TCTN1: variants seen among roughly 807,000 people sequenced by gnomAD.
TCTN1 encodes tectonic-1.
Under a neutral mutation model 65.8 loss-of-function variants are expected in TCTN1, and 58 were observed. The ratio of observed to expected loss-of-function variants is 0.88; its 90% CI spans 0.71 to 1.10. The LOEUF (loss-of-function observed/expected upper bound fraction) is 1.10, where lower values mean the gene tolerates loss of function less well. Ranked by LOEUF, TCTN1 falls within the 50% of genes least tolerant of loss-of-function variation. The probability of loss-of-function intolerance (pLI) is 0.00; values close to 1 mark genes in which losing one functional copy is unlikely to be tolerated. For synonymous variants in TCTN1, 273 were observed against 289.1 expected, an observed-to-expected ratio of 0.94 and a Z score of 0.57; for missense variants, 645 against 719.4, an observed-to-expected ratio of 0.90 and a Z score of 1.18.
Position 110,649,298 on chromosome 12 carries a change from G to C in TCTN1, c.*257G>C, listed in dbSNP as rs2067667018. ...AATCCATGCTGGCAGGAGGGAGGCA[G>C]AGGTATCAAACCAAACCTCTCACCA... On this transcript the variant is annotated 3_prime_UTR_variant, in exon 15 of 15. Transcript: ENST00000397659. 2 of 799,036 alleles carry C rather than the reference G, an allele frequency of 2.5e-6. No individual in the cohort carries two copies. Among genetic ancestry groups the C allele is most frequent in the Non-Finnish European group, 4.3e-6 (2 of 463,250 alleles). The allele number at this position is 799,036 out of a possible 1,614,324, so 49.5% of individuals were successfully genotyped here.
intron 11 of TCTN1, chr12:110,643,981 A>G (rs1444003139): frequency 6.6e-6 from 1 of 152,118 alleles, no homozygotes; most frequent in Non-Finnish European, 1.5e-5. Flanking sequence ...CACCATTTAC[A>G]TTATTAGTTC....
chr12:110,639,147 G>A lies in TCTN1; in HGVS notation c.844-1236G>A, dbSNP rs747046525. 7.2e-5 allele frequency among the ~76,000 whole-genome samples: 11 copies of A among 152,248 alleles called. No individual in the cohort carries two copies. The highest frequency in any genetic ancestry group is 1.5e-4 in the Non-Finnish European group (10 of 68,044). ...TATAAACAGCATGGTGCATGATTGA[G>A]TGCAAGTTCAAAGTGGTATAAACAA... On this transcript the variant is annotated intron_variant, in intron 7 of 14. Transcript: ENST00000397659. The surrounding 1 kb of genome is among the most constrained non-coding windows in gnomAD (Gnocchi z 4.9).
chr12:110,628,726 AT>A lies in TCTN1; in HGVS notation c.473-37del, dbSNP rs1216307690. On this transcript the variant is annotated intron_variant, in intron 3 of 14. Coordinates refer to ENST00000397659, the MANE Select transcript of TCTN1 (RefSeq NM_001082538.3). ...TATAGGTCATACATATTATACATAT[AT>A]TTTATACCGATTTAAAATACTGTTT... 3 of 1,512,018 alleles carry A rather than the reference AT, an allele frequency of 2.0e-6. No individual in the cohort carries two copies. In the Admixed American group the frequency reaches 5.2e-5, roughly 26 times the overall value. The allele number at this position is 1,512,018 out of a possible 1,614,324, so 93.7% of individuals were successfully genotyped here. A position where few individuals can be genotyped will look rare whatever the true frequency, so the allele number is the denominator to read the frequency against.
At position 110,645,753 on chromosome 12, in the gene TCTN1, G is replaced by A. The variant is rs112335466; in HGVS notation, c.1494+624G>A. 863 of 157,556 alleles carry A rather than the reference G, an allele frequency of 5.5e-3. 8 individuals are homozygous for A. Among genetic ancestry groups the A allele is most frequent in the African/African-American group, 0.019 (808 of 41,592 alleles). The allele number at this position is 157,556 out of a possible 1,614,324, so 9.8% of individuals were successfully genotyped here. ...TTTTTCTTTTGTCTTAGCAGTCAGC[G>A]TGTGGGCCGGCCCTGGCCCAGGGGC... On this transcript the variant is annotated intron_variant, in intron 12 of 14. Coordinates refer to ENST00000397659, the MANE Select transcript of TCTN1 (RefSeq NM_001082538.3).
intron 2 of TCTN1, among the ~76,000 whole-genome samples, chr12:110,625,284 C>T (rs1251120703): frequency 6.6e-6 from 1 of 152,090 alleles, no homozygotes; most frequent in African/African-American, 2.4e-5. Context: ...GTTTTAAATG[C>T]CAAGCTTTTT....
intron 13 of TCTN1, 127 bp from the exon 14 acceptor site, chr12:110,647,622 T>A: frequency 7.0e-7 from 1 of 1,421,604 alleles, no homozygotes; most frequent in South Asian, 1.2e-5. Flanking sequence ...GGCCAATTAG[T>A]GCTCCAGGAC....
rs1351514655 is a variant in TCTN1 at position 110,644,825 on chromosome 12, C to T, written c.1332-142C>T. On this transcript the variant is annotated intron_variant, in intron 11 of 14. Transcript: ENST00000397659. This position sits in a 1 kb window ranked among gnomAD's most constrained non-coding sequence, Gnocchi z 4.6. ...AGGCTGCAGGGAGCTATGATGGTGCCACTGCACTCCAGCTTGGGCATCAGA... is the reference window on the plus strand; with the variant it reads ...AGGCTGCAGGGAGCTATGATGGTGCTACTGCACTCCAGCTTGGGCATCAGA... 5 of 1,052,044 alleles carry T rather than the reference C, an allele frequency of 4.8e-6. No individual in the cohort carries two copies. The highest frequency in any genetic ancestry group is 1.3e-5 in the South Asian group (1 of 76,268). 65.2% of individuals were successfully genotyped at this position (1,052,044 alleles called of 1,614,324 possible). A position where few individuals can be genotyped will look rare whatever the true frequency, so the allele number is the denominator to read the frequency against.
chr12:110,632,411 A>T, intron 4 of TCTN1, 61 bp from the exon 5 acceptor site: 12 of 1,569,636 alleles, frequency 7.6e-6, no homozygotes, highest in Non-Finnish European at 1.1e-5. Context: ...GTGGGTGCCC[A>T]GTAAGTGTTG....
intron 7 of TCTN1, among the ~76,000 whole-genome samples, chr12:110,637,203 C>T (rs1189318688): frequency 6.6e-6 from 1 of 152,222 alleles, no homozygotes; most frequent in Non-Finnish European, 1.5e-5. Flanking sequence ...TCTTGTCGGA[C>T]TGACACCGTG....
At chr12:110,615,959 A>G (rs2065006198) in intron 1 of TCTN1, among the ~76,000 whole-genome samples, 1 of 152,202 alleles carries the variant, frequency 6.6e-6, no homozygotes, top group South Asian at 2.1e-4. Context: ...GTACAGAGAA[A>G]TATATTTGCT....
chr12:110,641,532 T>A lies in TCTN1; in HGVS notation c.1105-10T>A. 1 of 1,613,152 alleles carries A rather than the reference T, an allele frequency of 6.2e-7. No homozygotes were observed. The highest frequency in any genetic ancestry group is 1.3e-5 in the African/African-American group (1 of 75,034). On this transcript the variant is annotated splice_polypyrimidine_tract_variant and intron_variant, in intron 9 of 14. Coordinates refer to ENST00000397659, the MANE Select transcript of TCTN1 (RefSeq NM_001082538.3). ...GAATTATTTGGGGGCATTTCTGCATTGTCTTTCAGGAAAATACCCAGCCAG... is the reference window on the plus strand; with the variant it reads ...GAATTATTTGGGGGCATTTCTGCATAGTCTTTCAGGAAAATACCCAGCCAG...
intron 3 of TCTN1, chr12:110,628,222 C>T (rs1353154986): frequency 1.3e-6 from 2 of 1,535,596 alleles, no homozygotes; most frequent in Non-Finnish European, 1.7e-6. Context: ...GTGCTGTTTA[C>T]TTGTAAGTGC....
In TCTN1 at chr12:110,647,303, A is replaced by T; in HGVS notation, c.1602A>T (p.Val534=). 1 of 1,614,234 alleles carries T rather than the reference A, an allele frequency of 6.2e-7. No homozygotes were observed. Among genetic ancestry groups the T allele is most frequent in the South Asian group, 1.1e-5 (1 of 91,088 alleles). Residue 534 remains valine (V), a synonymous_variant, in exon 13 of 15, where the codon GTA becomes GTT. Transcript: ENST00000397659. ...ATCCACAGGCCAAAATAGTCAATGT[A>T]ACTGCAAATCTAATTTCATCCTCCT... The part of the protein sequence containing the change: ...LLNPQAKIVN[V]TANLISSSFP...
chr12:110,617,108 A>T (rs1032500315), intron 1 of TCTN1, among the ~76,000 whole-genome samples: 7 of 152,202 alleles, frequency 4.6e-5, no homozygotes, highest in African/African-American at 1.7e-4. Context: ...ACAAAGCAAG[A>T]TAGTAATTTT....
At position 110,629,059 on chromosome 12, in the gene TCTN1, C is replaced by A. The variant is rs750961821; in HGVS notation, c.624+141C>A. ...CTAAAAAACTTAATGTTCATGCCTA[C>A]AAATCAAAGATCATGAAAATTAAAA... On this transcript the variant is annotated intron_variant, in intron 4 of 14. Coordinates refer to ENST00000397659, the MANE Select transcript of TCTN1 (RefSeq NM_001082538.3). 5 of 887,378 alleles carry A rather than the reference C, an allele frequency of 5.6e-6. No individual in the cohort carries two copies. In the Admixed American group the frequency reaches 7.2e-5, roughly 13 times the overall value. 55.0% of individuals were successfully genotyped at this position (887,378 alleles called of 1,614,324 possible).
intron 2 of TCTN1, among the ~76,000 whole-genome samples, chr12:110,622,519 C>T (rs1374568992): frequency 6.6e-6 from 1 of 152,112 alleles, no homozygotes; most frequent in African/African-American, 2.4e-5. Flanking sequence ...AGGAATGCTC[C>T]CCAGAAAACA....
intron 12 of TCTN1, chr12:110,646,675 A>G (rs570671051): frequency 1.0e-5 from 2 of 196,926 alleles, no homozygotes; most frequent in African/African-American, 2.4e-5. Flanking sequence ...CTTTGACAAC[A>G]TACGGACACT....
intron 7 of TCTN1, among the ~76,000 whole-genome samples, chr12:110,637,153 C>G (rs1181664260): frequency 6.6e-6 from 1 of 152,232 alleles, no homozygotes; most frequent in Non-Finnish European, 1.5e-5. Context: ...CCCTGTGGAA[C>G]TGGCCAGCCT....
At position 110,644,871 on chromosome 12, in the gene TCTN1, TA is replaced by T. The variant is rs1341539250; in HGVS notation, c.1332-93del. The T allele has an allele frequency of 1.9e-6, 3 of 1,538,674 alleles. No homozygotes were observed. Among genetic ancestry groups the T allele is most frequent in the Admixed American group, 3.4e-5 (2 of 59,656 alleles). On this transcript the variant is annotated intron_variant, in intron 11 of 14. Coordinates refer to ENST00000397659, the MANE Select transcript of TCTN1 (RefSeq NM_001082538.3). The surrounding 1 kb of genome is among the most constrained non-coding windows in gnomAD (Gnocchi z 4.6). Reference sequence around the variant, plus strand: ...TCAGAGTGAGACCTTATCTCAAAAATAAATAAACAAAGGGAAGGAAAGGAAG... The same window carrying T: ...TCAGAGTGAGACCTTATCTCAAAAATAATAAACAAAGGGAAGGAAAGGAAG...
Sources: gnomAD v4.1 joint callset for allele counts (sites outside exome capture counted in the v4.1 genomes callset) on GRCh38, gnomAD v4.1.1 for gene constraint, Gnocchi (gnomAD v3.1) non-coding constraint, MANE v1.5 for transcripts, NCBI Gene and HGNC (gene_info 2026-07-23, HGNC 2026-07-21) for gene names.